The following ESRP1 variants were observed in gnomAD, a reference collection of about 807,000 sequenced individuals.
ESRP1 encodes the protein epithelial splicing regulatory protein 1, also known as RNA-binding motif protein 35A.
Under a neutral mutation model 81.7 loss-of-function variants are expected in ESRP1, and 33 were observed. The observed-to-expected ratio is 0.40, with a 90% CI of 0.31 to 0.54. ESRP1 has a LOEUF of 0.54. Ranked by LOEUF, ESRP1 falls within the 20% of genes least tolerant of loss-of-function variation. The pLI is 0.41. For synonymous variants in ESRP1, 320 were observed against 303.3 expected (o/e 1.06, Z -0.57); for missense variants, 672 against 833.1 (o/e 0.81, Z 2.38).
intron 15 of ESRP1, among the ~76,000 whole-genome samples, chr8:94,697,919 T>G (rs1809669253): frequency 6.6e-6 from 1 of 152,128 alleles, no homozygotes; most frequent in Non-Finnish European, 1.5e-5. Flanking sequence ...TAGCTGGGAT[T>G]ACAGGCACCT....
intron 4 of ESRP1, chr8:94,656,247 C>T (rs1220436999): frequency 6.6e-6 from 1 of 151,344 alleles, no homozygotes; most frequent in African/African-American, 2.4e-5. Context: ...GAGACGGAGT[C>T]ATCGTCTGTC....
At chr8:94,663,944 C>T (rs1818885037) in intron 6 of ESRP1, among the ~76,000 whole-genome samples, 3 of 152,146 alleles carry the variant, frequency 2.0e-5, no homozygotes, top group Non-Finnish European at 4.4e-5. Context: ...TCCTACCATG[C>T]ACACACATTC....
At chr8:94,657,511 A>ATGGCT (rs1425575986) in intron 4 of ESRP1, among the ~76,000 whole-genome samples, 4 of 125,426 alleles carry the variant, frequency 3.2e-5, no homozygotes, top group Non-Finnish European at 6.6e-5. Context: ...GTGTAAGGAG[A>ATGGCT]TGGCTTGGGC....
chr8:94,655,029 T>C (rs1359672737), intron 4 of ESRP1, among the ~76,000 whole-genome samples: 2 of 151,582 alleles, frequency 1.3e-5, no homozygotes, highest in African/African-American at 4.8e-5. Context: ...GTTTTAAGTA[T>C]GTGTGTATCT....
chr8:94,642,153 G>A, intron 2 of ESRP1, 69 bp downstream of exon 2: 1 of 1,559,100 alleles, frequency 6.4e-7, no homozygotes, highest in Non-Finnish European at 8.7e-7. Flanking sequence ...CGCCCTCTCA[G>A]GGCGGCCCAC....
intron 9 of ESRP1, among the ~76,000 whole-genome samples, chr8:94,665,912 G>A (rs1379833812): frequency 6.6e-6 from 1 of 152,204 alleles, no homozygotes; most frequent in Non-Finnish European, 1.5e-5. Context: ...TGAGTCACCA[G>A]AAACATGGTA....
chr8:94,685,816 T>C (rs1190941994), intron 13 of ESRP1, among the ~76,000 whole-genome samples: 1 of 150,524 alleles, frequency 6.6e-6, no homozygotes, highest in Admixed American at 6.6e-5. Context: ...AACAAAACAA[T>C]GGGCTGGGAG....
chr8:94,660,907 C>G (rs182287948), intron 4 of ESRP1, among the ~76,000 whole-genome samples: 1 of 152,224 alleles, frequency 6.6e-6, no homozygotes, highest in East Asian at 1.9e-4. Context: ...GAAATTGCCA[C>G]AGCCATCCCA....
intron 15 of ESRP1, among the ~76,000 whole-genome samples, chr8:94,698,485 C>T (rs886931348): frequency 5.9e-5 from 9 of 152,196 alleles, no homozygotes; most frequent in African/African-American, 1.7e-4. Context: ...TTTTCTAGAA[C>T]TAAATGTAGA....
At chr8:94,703,025 T>C (rs750646839) in intron 15 of ESRP1, among the ~76,000 whole-genome samples, 1 of 151,772 alleles carries the variant, frequency 6.6e-6, no homozygotes, top group Non-Finnish European at 1.5e-5. Flanking sequence ...ATCAGATTTG[T>C]AAATGTCTGC....
chr8:94,703,493 A>G (rs998060499), intron 15 of ESRP1, among the ~76,000 whole-genome samples: 3 of 152,158 alleles, frequency 2.0e-5, no homozygotes. Context: ...GCATTAAAAA[A>G]CGGTTCGAGA....
intron 15 of ESRP1, among the ~76,000 whole-genome samples, chr8:94,701,939 G>T (rs1257485172): frequency 6.6e-6 from 1 of 152,216 alleles, no homozygotes; most frequent in African/African-American, 2.4e-5. Context: ...ATAGCCAGGT[G>T]TCGTCATGCA....
intron 12 of ESRP1, 89 bp downstream of exon 12, chr8:94,674,595 T>C: frequency 8.1e-7 from 1 of 1,235,108 alleles, no homozygotes; most frequent in Non-Finnish European, 1.1e-6. Flanking sequence ...CCCCTGGTTC[T>C]TTCTGAGGCA....
At chr8:94,668,286 T>G (rs1356169721) in intron 10 of ESRP1, 36 bp downstream of exon 10, 2 of 1,508,006 alleles carry the variant, frequency 1.3e-6, no homozygotes, top group Non-Finnish European at 1.8e-6. Flanking sequence ...TACCTTTGCA[T>G]TAATTTCTGT....
chr8:94,645,908 T>C (rs779995116), intron 3 of ESRP1, among the ~76,000 whole-genome samples: 15 of 152,174 alleles, frequency 9.9e-5, no homozygotes, highest in Non-Finnish European at 5.9e-5. Context: ...AGCTTCAGAA[T>C]TGTTTTGAAT....
At chr8:94,695,348 CTTTTTTTTT>C (rs1177357708) in intron 14 of ESRP1, among the ~76,000 whole-genome samples, 9 of 61,168 alleles carry the variant, frequency 1.5e-4, no homozygotes, top group African/African-American at 4.7e-4. Flanking sequence ...CTTTTTCTTT[CTTTTTTTTT>C]TTTTTTTTTT....
chr8:94,668,591 T>C (rs1819140588), intron 10 of ESRP1, among the ~76,000 whole-genome samples: 1 of 152,214 alleles, frequency 6.6e-6, no homozygotes, highest in South Asian at 2.1e-4. Context: ...TAGTGTACAC[T>C]TAGATTGATT....
intron 2 of ESRP1, among the ~76,000 whole-genome samples, 164 bp from the exon 3 acceptor site, chr8:94,643,139 T>C (rs1410680987): frequency 6.6e-6 from 1 of 152,230 alleles, no homozygotes; most frequent in Non-Finnish European, 1.5e-5. Context: ...TCGAGGAAGC[T>C]AGACGGTTCG....
chr8:94,692,536 C>T, intron 13 of ESRP1, 141 bp from the exon 14 acceptor site: 1 of 852,818 alleles, frequency 1.2e-6, no homozygotes, highest in Non-Finnish European at 1.7e-6. Context: ...GGTGTTTTCA[C>T]CTGTCTTAGG....
Sources: allele counts gnomAD v4.1 joint callset (sites outside exome capture counted in the v4.1 genomes callset), GRCh38; gene constraint gnomAD v4.1.1; transcripts MANE v1.5; gene names NCBI Gene and HGNC (gene_info 2026-07-23, HGNC 2026-07-21).